SEC24C: variants seen among roughly 807,000 people sequenced by gnomAD.
The protein encoded by SEC24C is protein transport protein Sec24C.
In SEC24C, 22 loss-of-function variants were observed where a neutral mutation model predicts 117.0. That is an observed-to-expected ratio of 0.19 (90% CI 0.13 to 0.27). The LOEUF is 0.27. Among genes scored for constraint, SEC24C ranks in the 10% least tolerant of loss-of-function variants. SEC24C has a pLI of 1.00. For synonymous variants in SEC24C, 506 were observed against 529.4 expected (o/e 0.96, Z 0.61); for missense variants, 1,155 against 1,375.1 (o/e 0.84, Z 2.53).
Position 73,746,857 on chromosome 10 carries a change from C to A in SEC24C, c.25C>A (p.Pro9Thr). Residue 9 changes from proline to threonine, a missense_variant, in exon 2 of 23, where the codon CCT becomes ACT. Around this residue, in one of 2 missense-constraint regions of SEC24C, gnomAD observed 396 missense variants for 382.8 expected, o/e 1.03. Coordinates refer to ENST00000345254, the MANE Select transcript of SEC24C (RefSeq NM_198597.3). ...AATGAACGTCAACCAGTCAGTTCCA[C>A]CTGTGCCACCATTTGGGCAGCCCCA... Reference protein sequence around the residue: MNVNQSVPPVPPFGQPQPI... With the variant: MNVNQSVPTVPPFGQPQPI... 1 of 1,611,842 alleles carries A rather than the reference C, an allele frequency of 6.2e-7. No homozygotes were observed. The highest frequency in any genetic ancestry group is 8.5e-7 in the Non-Finnish European group (1 of 1,178,868).
At chr10:73,752,649 A>T (rs1466882904) in intron 3 of SEC24C, among the ~76,000 whole-genome samples, 1 of 152,010 alleles carries the variant, frequency 6.6e-6, no homozygotes, top group Non-Finnish European at 1.5e-5. Context: ...GTGAGGGGGT[A>T]GGGAGCTGTT....
At chr10:73,754,912 T>C (rs1446122920) in intron 3 of SEC24C, among the ~76,000 whole-genome samples, 1 of 152,090 alleles carries the variant, frequency 6.6e-6, no homozygotes, top group Non-Finnish European at 1.5e-5. Context: ...GGCAGGCAGA[T>C]TGCTTGAGCT....
chr10:73,763,215 T>G (rs1409252013), intron 6 of SEC24C, among the ~76,000 whole-genome samples: 1 of 151,900 alleles, frequency 6.6e-6, no homozygotes, highest in Non-Finnish European at 1.5e-5. Context: ...GTGTTCACCA[T>G]TGATGGGGGG....
intron 3 of SEC24C, among the ~76,000 whole-genome samples, chr10:73,753,383 C>T (rs1421514260): frequency 1.3e-5 from 2 of 152,112 alleles, no homozygotes; most frequent in Admixed American, 6.6e-5. Flanking sequence ...AAATAGTTTA[C>T]ACTTGGCTGG....
intron 15 of SEC24C, among the ~76,000 whole-genome samples, chr10:73,768,434 G>A (rs1442146948): frequency 6.6e-6 from 1 of 152,160 alleles, no homozygotes. Flanking sequence ...AAGTGAGCCC[G>A]AGAATGTGGC....
chr10:73,766,929 T>A, intron 13 of SEC24C, 76 bp downstream of exon 13: 1 of 1,453,890 alleles, frequency 6.9e-7, no homozygotes, highest in Non-Finnish European at 9.7e-7. Context: ...ATACAACCTC[T>A]CTTTCTTCAG....
intron 8 of SEC24C, 85 bp from the exon 9 acceptor site, chr10:73,765,366 C>T: frequency 1.3e-6 from 2 of 1,497,848 alleles, no homozygotes; most frequent in Non-Finnish European, 1.8e-6. Flanking sequence ...CATGCGCCTT[C>T]TTCCTCCGGT....
At chr10:73,767,351 C>T (rs921596536) in intron 14 of SEC24C, among the ~76,000 whole-genome samples, 181 bp downstream of exon 14, 1 of 152,194 alleles carries the variant, frequency 6.6e-6, no homozygotes, top group Admixed American at 6.5e-5. Context: ...TGTTGGTAGA[C>T]TCTTGTATTT....
chr10:73,757,471 G>A (rs1278019493), intron 3 of SEC24C, among the ~76,000 whole-genome samples: 21 of 150,104 alleles, frequency 1.4e-4, no homozygotes, highest in Non-Finnish European at 3.0e-4. Flanking sequence ...TGATGGCTTC[G>A]CTGCACTGTG....
At position 73,748,522 on chromosome 10, in the gene SEC24C, G is replaced by A. The variant is rs1485177717; in HGVS notation, c.172+1518G>A. On this transcript the variant is annotated intron_variant, in intron 2 of 22. Transcript: ENST00000345254. ...ACAATCTCAGCTTACTGTAACCTCCGCCTCCCAGGTTCAAGTGATTCTCCT... is the reference window on the plus strand; with the variant it reads ...ACAATCTCAGCTTACTGTAACCTCCACCTCCCAGGTTCAAGTGATTCTCCT... Among the ~76,000 whole-genome samples the A allele has an allele frequency of 4.6e-5, 7 of 151,458 alleles. No homozygotes were observed. The South Asian group carries it at 6.2e-4, about 13-fold the overall frequency.
At position 73,744,932 on chromosome 10, in the gene SEC24C, C is replaced by T. The variant is rs1589504425; in HGVS notation, c.-29+495C>T. Among the ~76,000 whole-genome samples the T allele has an allele frequency of 1.3e-5, 2 of 152,066 alleles. 1 individual carries two copies. Among genetic ancestry groups the T allele is most frequent in the South Asian group, 4.1e-4 (2 of 4,820 alleles). On this transcript the variant is annotated intron_variant, in intron 1 of 22. Transcript: ENST00000345254. The stretch of plus-strand genomic sequence containing the variant: ...CTGGAGAAGAAGCTCCTTTCTTTAC[C>T]CCTCCCCCCGGCTTTGGAAACATAA...
rs764680709 is a variant in SEC24C, at chr10:73,766,737, T to C, written c.1800-23T>C. The C allele has an allele frequency of 7.5e-6, 12 of 1,609,782 alleles. 1 individual carries two copies. The South Asian group carries it at 1.3e-4, about 18-fold the overall frequency. Reference sequence around the variant, plus strand: ...GGAATCTGTATAGCAATTTTGGTTGTTTTCCGTCACCTATCTCTTTAGCTT... The same window carrying C: ...GGAATCTGTATAGCAATTTTGGTTGCTTTCCGTCACCTATCTCTTTAGCTT... On this transcript the variant is annotated intron_variant, in intron 12 of 22. Transcript: ENST00000345254.
intron 4 of SEC24C, 44 bp downstream of exon 4, chr10:73,759,838 AG>A (rs757311047): frequency 6.6e-7 from 1 of 1,515,592 alleles, no homozygotes; most frequent in Admixed American, 2.2e-5. Context: ...CCCTGTTCAG[AG>A]GCATCAGACT....
intron 3 of SEC24C, among the ~76,000 whole-genome samples, chr10:73,754,414 C>T (rs2082683242): frequency 6.6e-6 from 1 of 151,596 alleles, no homozygotes; most frequent in African/African-American, 2.4e-5. Context: ...GACTTCGTCT[C>T]AGGAAAAAAA....
At chr10:73,766,572 G>A (rs1456592577) in intron 12 of SEC24C, 31 bp downstream of exon 12, 1 of 1,581,238 alleles carries the variant, frequency 6.3e-7, no homozygotes, top group Admixed American at 1.7e-5. Context: ...GTAAAGGTTG[G>A]GGGTGGCATG....
chr10:73,748,447 T>C (rs1428523416), intron 2 of SEC24C, among the ~76,000 whole-genome samples: 1 of 151,798 alleles, frequency 6.6e-6, no homozygotes, highest in Admixed American at 6.6e-5. Context: ...ATTTTTAATA[T>C]TTTTTGAGAT....
Position 73,765,707 on chromosome 10 carries a change from G to C in SEC24C, c.1367-93G>C. On this transcript the variant is annotated intron_variant, in intron 9 of 22. Transcript: ENST00000345254. The stretch of plus-strand genomic sequence containing the variant: ...CAGGAGCTGGGGAAGTAGGGCACAT[G>C]GGAATGAGGGATAGTGGTGTGAGCT... 3 of 1,553,818 alleles carry C rather than the reference G, an allele frequency of 1.9e-6. 1 individual carries two copies. The highest frequency in any genetic ancestry group is 3.4e-4 in the Middle Eastern group (2 of 5,868).
In SEC24C at chr10:73,766,201, T is replaced by C. The variant is rs770911161; in HGVS notation, c.1598T>C (p.Phe533Ser). 6.2e-7 allele frequency: 1 copy of C among 1,612,120 alleles called. No homozygotes were observed. Among genetic ancestry groups the C allele is most frequent in the South Asian group, 1.1e-5 (1 of 90,756 alleles). The change falls in exon 11 of 23, where the codon TTT (phenylalanine) becomes TCT (serine). Residue 533 changes from phenylalanine to serine, a missense_variant. By Grantham distance (155) the Phe-to-Ser change is radical (BLOSUM62 -2). Transcript: ENST00000345254. ...LCEELKSLLD[F>S]LPREGGAEES... ...GAGGAGCTCAAGTCACTGTTAGACTTTCTACCTAGGTGAGAGTTACAGAAC... is the reference window on the plus strand; with the variant it reads ...GAGGAGCTCAAGTCACTGTTAGACTCTCTACCTAGGTGAGAGTTACAGAAC...
At chr10:73,770,829 C>G in intron 22 of SEC24C, 31 bp downstream of exon 22, 1 of 1,612,826 alleles carries the variant, frequency 6.2e-7, no homozygotes, top group Non-Finnish European at 8.5e-7. Flanking sequence ...GGATTTCTTA[C>G]CTTGTCAAGT....
Sources: allele counts gnomAD v4.1 joint callset (sites outside exome capture counted in the v4.1 genomes callset), GRCh38; gene constraint gnomAD v4.1.1; regional missense constraint gnomAD v4.1.1; transcripts MANE v1.5; gene names NCBI Gene and HGNC (gene_info 2026-07-23, HGNC 2026-07-21).